The following AEBP2 variants were observed in gnomAD, a reference collection of about 807,000 sequenced individuals.
The protein encoded by AEBP2 is zinc finger protein AEBP2.
Under a neutral mutation model 50.8 loss-of-function variants are expected in AEBP2, and 10 were observed. The ratio of observed to expected loss-of-function variants is 0.20; its 90% CI spans 0.12 to 0.33. The LOEUF is 0.33. Ranked by LOEUF, AEBP2 falls within the 10% of genes least tolerant of loss-of-function variation. The pLI is 1.00. For missense variants in AEBP2, 570 were observed against 688.0 expected, an observed-to-expected ratio of 0.83 and a Z score of 1.92; for synonymous variants, 296 against 261.3, an observed-to-expected ratio of 1.13 and a Z score of -1.28.
intron 1 of AEBP2, among the ~76,000 whole-genome samples, chr12:19,418,767 G>A (rs1025164419): frequency 1.3e-5 from 2 of 152,004 alleles, no homozygotes; most frequent in African/African-American, 4.8e-5. Context: ...ACTGTGCCTC[G>A]GGCCATGGTT....
At chr12:19,413,559 TA>T (rs2095740578) in intron 1 of AEBP2, 1 of 665,382 alleles carries the variant, frequency 1.5e-6, no homozygotes, top group East Asian at 2.6e-5. Flanking sequence ...ATATGCCTTT[TA>T]AAAAATAAAC....
intron 5 of AEBP2, among the ~76,000 whole-genome samples, chr12:19,507,453 A>G (rs1203310841): frequency 1.3e-5 from 2 of 152,208 alleles, no homozygotes; most frequent in African/African-American, 2.4e-5. Context: ...GAAAATAAAA[A>G]ATTTGCGCAG....
At chr12:19,449,685 T>G (rs557054963) in intron 1 of AEBP2, among the ~76,000 whole-genome samples, 2 of 152,210 alleles carry the variant, frequency 1.3e-5, no homozygotes, top group Non-Finnish European at 2.9e-5. Flanking sequence ...CATTTTAGCT[T>G]TTTAAATTAC....
At chr12:19,438,019 T>C (rs1947879658), upstream of AEBP2, among the ~76,000 whole-genome samples, 1 of 152,220 alleles carries the variant, frequency 6.6e-6, no homozygotes, top group Admixed American at 6.5e-5. Context: ...ATGTGGGCTC[T>C]TTTCCAGTCT....
Position 19,500,155 on chromosome 12 carries a change from A to G in AEBP2, c.1233A>G (p.Ile411Met). The part of the protein sequence containing the change: ...QTLDAIRHRA[I>M]CFNLSAHIES... ...TGGATGCGATAAGACATCGAGCCAT[A>G]TGCTTTAACCTCTCAGCTCATATAG... The change falls in exon 5 of 8, where the codon ATA (isoleucine) becomes ATG (methionine). Residue 411 changes from isoleucine to methionine, a missense_variant. Physicochemically the swap from Ile to Met is conservative, Grantham distance 10. Transcript: ENST00000266508. 6.2e-7 allele frequency: 1 copy of G among 1,604,640 alleles called. No homozygotes were observed. The highest frequency in any genetic ancestry group is 8.5e-7 in the Non-Finnish European group (1 of 1,175,314).
In AEBP2 at chr12:19,463,667, A is replaced by ATTTTT. The variant is rs34007914; in HGVS notation, c.879+970_879+974dup. ...TTTTAAGCAGTGATGTCATACTTGA[A>ATTTTT]TTTTTTTTTTTTTTTTTTTTTTTTG... On this transcript the variant is annotated intron_variant, in intron 2 of 7. Transcript: ENST00000266508. 1.5e-3 allele frequency among the ~76,000 whole-genome samples: 128 copies of ATTTTT among 84,668 alleles called. 2 individuals carry two copies. The highest frequency in any genetic ancestry group is 1.9e-3 in the Non-Finnish European group (92 of 47,576). The allele number at this position is 84,668 out of a possible 152,430, so 55.5% of individuals were successfully genotyped here. A position where few individuals can be genotyped will look rare whatever the true frequency, so the allele number is the denominator to read the frequency against.
At chr12:19,435,069 T>C (rs2095753470), upstream of AEBP2, among the ~76,000 whole-genome samples, 2 of 152,142 alleles carry the variant, frequency 1.3e-5, no homozygotes, top group Admixed American at 6.6e-5. Context: ...ATTCTACAGA[T>C]GTACAATATA....
chr12:19,430,089 C>G lies in AEBP2; in HGVS notation c.-17+25873C>G, dbSNP rs556360399. Among the ~76,000 whole-genome samples, 282 of 152,134 alleles carry G rather than the reference C, an allele frequency of 1.9e-3. 1 individual carries two copies. Among genetic ancestry groups the G allele is most frequent in the African/African-American group, 6.5e-3 (270 of 41,504 alleles). ...TGAATGGTATTGCCTAGGTTTTCTTCTAGGGTTTTTATGGTTTTAGGTCTA... is the reference window on the plus strand; with the variant it reads ...TGAATGGTATTGCCTAGGTTTTCTTGTAGGGTTTTTATGGTTTTAGGTCTA... On this transcript the variant is annotated intron_variant, in intron 1 of 3. Transcript: ENST00000538425.
chr12:19,471,835 T>G (rs1948578363), intron 2 of AEBP2, among the ~76,000 whole-genome samples: 1 of 152,180 alleles, frequency 6.6e-6, no homozygotes, highest in African/African-American at 2.4e-5. Context: ...CGGGTGCATA[T>G]AAGTATTGCT....
rs147115516 is a variant in AEBP2, at chr12:19,405,931, A to G, written c.-17+1715A>G. Among the ~76,000 whole-genome samples the G allele has an allele frequency of 1.5e-3, 225 of 149,822 alleles. 1 individual carries two copies. The highest frequency in any genetic ancestry group is 3.5e-3 in the Middle Eastern group (1 of 282). The stretch of plus-strand genomic sequence containing the variant: ...ATTCTCCTGTGTCAGCCTCCGGAGT[A>G]GCTGGGACTACAGATGTGCACCACC... On this transcript the variant is annotated intron_variant, in intron 1 of 3. Coordinates refer to the AEBP2 transcript ENST00000538425.
chr12:19,431,091 C>T (rs2095751194), intron 1 of AEBP2, among the ~76,000 whole-genome samples: 1 of 150,486 alleles, frequency 6.6e-6, no homozygotes, highest in Non-Finnish European at 1.5e-5. Context: ...AATAGATATA[C>T]AGGCAAGTAA....
chr12:19,451,151 T>C (rs1056914251), intron 1 of AEBP2, among the ~76,000 whole-genome samples: 1 of 152,200 alleles, frequency 6.6e-6, no homozygotes, highest in African/African-American at 2.4e-5. Flanking sequence ...ACAGCCCTTT[T>C]CCAACATTTA....
At chr12:19,497,091 A>G (rs1948994469) in intron 4 of AEBP2, among the ~76,000 whole-genome samples, 2 of 151,842 alleles carry the variant, frequency 1.3e-5, no homozygotes, top group African/African-American at 4.8e-5. Context: ...AGTATAATAA[A>G]TACTTGTATT....
At chr12:19,474,157 A>G (rs1294006348) in intron 3 of AEBP2, among the ~76,000 whole-genome samples, 1 of 152,196 alleles carries the variant, frequency 6.6e-6, no homozygotes, top group African/African-American at 2.4e-5. Context: ...AATTAGATGT[A>G]TTCTGGGAAA....
intron 2 of AEBP2, 143 bp downstream of exon 2, chr12:19,462,860 A>C: frequency 2.7e-6 from 2 of 745,730 alleles, no homozygotes; most frequent in Non-Finnish European, 4.2e-6. Context: ...TTTAATAATT[A>C]TTTCCCATAT....
At position 19,473,373 on chromosome 12, in the gene AEBP2, TA is replaced by T; in HGVS notation, c.987+22del. The T allele has an allele frequency of 1.3e-6, 1 of 749,492 alleles. No individual in the cohort carries two copies. The highest frequency in any genetic ancestry group is 1.8e-6 in the Non-Finnish European group (1 of 545,856). 46.4% of individuals were successfully genotyped at this position (749,492 alleles called of 1,614,324 possible). On this transcript the variant is annotated intron_variant, in intron 3 of 7. Transcript: ENST00000266508. ...CTTTCAAGGTAAGGATGCATGTATA[TA>T]AAATTTATTTATTTATTTATTTATT...
rs761201177 is a variant in AEBP2 at position 19,440,002 on chromosome 12, G to GGAC, written c.309_311dup (p.Asp103dup). On this transcript the variant is annotated inframe_insertion, in exon 1 of 8. Transcript: ENST00000266508. ...CCGGGGAGGACGAAGACGAGGAGGA[G>GGAC]GACGACGAGGAGGAGGAAGATGAGA... 1.9e-4 allele frequency: 292 copies of GGAC among 1,525,390 alleles called. No homozygotes were observed. Among genetic ancestry groups the GGAC allele is most frequent in the Non-Finnish European group, 2.4e-4 (270 of 1,142,398 alleles). 94.5% of individuals were successfully genotyped at this position (1,525,390 alleles called of 1,614,324 possible). A position where few individuals can be genotyped will look rare whatever the true frequency, so the allele number is the denominator to read the frequency against.
intron 3 of AEBP2, among the ~76,000 whole-genome samples, chr12:19,474,180 GC>G (rs1321513436): frequency 3.9e-5 from 6 of 152,116 alleles, no homozygotes; most frequent in Non-Finnish European, 5.9e-5. Context: ...TTTATAAAGA[GC>G]AAGTTTCTGT....
chr12:19,504,380 GCC>G (rs55796210), intron 5 of AEBP2, among the ~76,000 whole-genome samples: 1 of 149,360 alleles, frequency 6.7e-6, no homozygotes, highest in Non-Finnish European at 1.5e-5. Context: ...GAATACAGGC[GCC>G]CCCCCCACCA....
Sources: gnomAD v4.1 joint callset for allele counts (sites outside exome capture counted in the v4.1 genomes callset) on GRCh38, gnomAD v4.1.1 for gene constraint, MANE v1.5 for transcripts, NCBI Gene and HGNC (gene_info 2026-07-23, HGNC 2026-07-21) for gene names.